CNGA2: variants seen among roughly 807,000 people sequenced by gnomAD.
CNGA2 encodes cyclic nucleotide-gated channel alpha-2.
In CNGA2, 22 loss-of-function variants were observed where a neutral mutation model predicts 35.9. The ratio of observed to expected loss-of-function variants is 0.61; its 90% CI spans 0.44 to 0.88. The LOEUF (loss-of-function observed/expected upper bound fraction) is 0.88, where lower values mean the gene tolerates loss of function less well. CNGA2 is among the 40% of genes least tolerant of loss of function. The pLI, the probability that CNGA2 is intolerant of heterozygous loss-of-function variation, is 0.00. For missense variants in CNGA2, 555 were observed against 530.8 expected (o/e 1.05, Z -0.45); for synonymous variants, 217 against 209.2 (o/e 1.04, Z -0.32).
intron 6 of CNGA2, 29 bp downstream of exon 6, chrX:151,742,671 T>C (rs762469933): frequency 8.9e-7 from 1 of 1,128,949 alleles, no homozygotes; most frequent in Non-Finnish European, 1.2e-6. Flanking sequence ...TGCAGGTAAA[T>C]CCGAAGGCCT....
rs753169347 is a variant in CNGA2 at position 151,743,315 on chromosome X, A to G, written c.812A>G (p.Asn271Ser). The G allele has an allele frequency of 2.5e-6, 3 of 1,208,488 alleles. No homozygotes were observed. The highest frequency in any genetic ancestry group is 3.4e-6 in the Non-Finnish European group (3 of 894,854). The stretch of plus-strand genomic sequence containing the variant: ...ACAGAGACACGCACCAACTACCCTA[A>G]CATCTTCCGCATCAGCAACCTTGTC... ...DRTETRTNYP[N>S]IFRISNLVLY... Residue 271 changes from asparagine (N) to serine (S), a missense_variant, in exon 7 of 7, where the codon AAC becomes AGC. Physicochemically the swap from Asn to Ser is conservative, Grantham distance 46. Coordinates refer to ENST00000329903, the MANE Select transcript of CNGA2 (RefSeq NM_005140.3).
chrX:151,735,674 C>T (rs1214724198), intron 1 of CNGA2, among the ~76,000 whole-genome samples: 1 of 111,583 alleles, frequency 9.0e-6, no homozygotes, highest in Non-Finnish European at 1.9e-5. Flanking sequence ...CTGAATTCCT[C>T]CTCAAAACCT....
rs1309560278 is a variant in CNGA2 at position 151,744,406 on chromosome X, G to C, written c.1903G>C (p.Val635Leu). The C allele has an allele frequency of 5.0e-6, 6 of 1,211,011 alleles. No homozygotes were observed. Among genetic ancestry groups the C allele is most frequent in the Non-Finnish European group, 6.7e-6 (6 of 895,262 alleles). ...AQQKLKQRIT[V>L]LETKMKQNNE... ...GCAGAAGCTCAAGCAGCGCATCACA[G>C]TTCTGGAAACCAAGATGAAACAGAA... The change falls in exon 7 of 7, where the codon GTT (valine) becomes CTT (leucine). Residue 635 changes from valine (V) to leucine (L), a missense_variant. By Grantham distance (32) the Val-to-Leu change is conservative. Coordinates refer to ENST00000329903, the MANE Select transcript of CNGA2 (RefSeq NM_005140.3).
chrX:151,744,297 G>T lies in CNGA2; in HGVS notation c.1794G>T (p.Gln598His). 1 of 1,211,127 alleles carries T rather than the reference G, an allele frequency of 8.3e-7. No homozygotes were observed. Among genetic ancestry groups the T allele is most frequent in the Non-Finnish European group, 1.1e-6 (1 of 895,383 alleles). ...EVATSMEVDV[Q>H]EKLGQLETNM... ...CAACCAGCATGGAGGTCGACGTGCA[G>T]GAGAAGCTAGGGCAGCTGGAGACCA... is the stretch of plus-strand genomic sequence containing the variant. The change falls in exon 7 of 7, where the codon CAG becomes CAT. Residue 598 changes from glutamine (Q) to histidine (H), a missense_variant. By Grantham distance (24) the Gln-to-His change is conservative. Coordinates refer to ENST00000329903, the MANE Select transcript of CNGA2 (RefSeq NM_005140.3).
At chrX:151,735,561 C>A (rs1315050196) in intron 1 of CNGA2, among the ~76,000 whole-genome samples, 1 of 111,466 alleles carries the variant, frequency 9.0e-6, no homozygotes, top group Non-Finnish European at 1.9e-5. Context: ...GGATTTGTCT[C>A]CTGTCACTTC....
At position 151,739,636 on chromosome X, in the gene CNGA2, C is replaced by T. The variant is rs2015283138; in HGVS notation, c.278C>T (p.Ser93Leu). 1 of 1,209,786 alleles carries T rather than the reference C, an allele frequency of 8.3e-7. No individual in the cohort carries two copies. The highest frequency in any genetic ancestry group is 1.8e-5 in the African/African-American group (1 of 57,102). ...CGAGAGGAGGAACCTAGGCCTGACT[C>T]ATTCCTCGAGCGTTTTCGTGGGCCT... The part of the protein sequence containing the change: ...NFREEEPRPD[S>L]FLERFRGPEL... Residue 93 changes from serine (S) to leucine (L), a missense_variant, in exon 4 of 7, where the codon TCA becomes TTA. Coordinates refer to ENST00000329903, the MANE Select transcript of CNGA2 (RefSeq NM_005140.3).
At chrX:151,740,974 A>C (rs1779698341) in intron 5 of CNGA2, 73 bp downstream of exon 5, 1 of 766,373 alleles carries the variant, frequency 1.3e-6, no homozygotes, top group Non-Finnish European at 2.0e-6. Context: ...ACGGCGCAGC[A>C]GTCCCTGGAT....
intron 1 of CNGA2, among the ~76,000 whole-genome samples, chrX:151,737,092 G>A (rs1008392201): frequency 9.0e-6 from 1 of 111,708 alleles, no homozygotes; most frequent in Non-Finnish European, 1.9e-5. Context: ...GCCTGCCATC[G>A]CCATGGTGAC....
In CNGA2 at chrX:151,744,123, C is replaced by G. The variant is rs1255207413; in HGVS notation, c.1620C>G (p.Ile540Met). 1 of 1,208,035 alleles carries G rather than the reference C, an allele frequency of 8.3e-7. No individual in the cohort carries two copies. Among genetic ancestry groups the G allele is most frequent in the Non-Finnish European group, 1.1e-6 (1 of 894,817 alleles). Residue 540 changes from isoleucine (I) to methionine (M), a missense_variant, in exon 7 of 7, where the codon ATC becomes ATG. Coordinates refer to ENST00000329903, the MANE Select transcript of CNGA2 (RefSeq NM_005140.3). ...SKMGNRRTAN[I>M]RSLGYSDLFC... is the part of the protein sequence containing the mutation. Reference sequence around the variant, plus strand: ...TGGGCAATCGACGCACAGCTAATATCCGCAGCCTGGGCTACTCAGATCTCT... The same window carrying G: ...TGGGCAATCGACGCACAGCTAATATGCGCAGCCTGGGCTACTCAGATCTCT...
intron 5 of CNGA2, among the ~76,000 whole-genome samples, chrX:151,742,307 A>T (rs1370564707): frequency 8.9e-6 from 1 of 111,742 alleles, no homozygotes; most frequent in African/African-American, 3.3e-5. Flanking sequence ...AGAGGGTGAG[A>T]CAGAAAATTA....
At chrX:151,742,503 T>C (rs1430064939) in intron 5 of CNGA2, 33 bp from the exon 6 acceptor site, 1 of 1,125,971 alleles carries the variant, frequency 8.9e-7, no homozygotes, top group Admixed American at 2.2e-5. Context: ...TTGGCTGGCT[T>C]TGGGGGTGAA....
rs962361110 is a variant in CNGA2 at position 151,744,887 on chromosome X, G to A, written c.*389G>A. On this transcript the variant is annotated 3_prime_UTR_variant, in exon 7 of 7. Transcript: ENST00000329903. ...TGCACACGCATGTACTTCGAGCACC[G>A]ACTATAGACATTTAGATCAGGTACC... 1.3e-4 allele frequency: 20 copies of A among 156,713 alleles called. No homozygotes were observed. Among genetic ancestry groups the A allele is most frequent in the Non-Finnish European group, 2.4e-5 (2 of 81,680 alleles). The allele number at this position is 156,713 out of a possible 1,213,427, so 12.9% of individuals were successfully genotyped here.
At chrX:151,736,902 C>T (rs779419150) in intron 1 of CNGA2, among the ~76,000 whole-genome samples, 3 of 111,759 alleles carry the variant, frequency 2.7e-5, no homozygotes, top group African/African-American at 6.5e-5. Flanking sequence ...AACTCTGGTG[C>T]GAATGGCTCC....
rs769127633 is a variant in CNGA2, at chrX:151,742,661, T to A, written c.589+19T>A. ...CGCACAGGTCAGTGAGCAACTGGGA[T>A]GCAGGTAAATCCGAAGGCCTGAGTC... On this transcript the variant is annotated intron_variant, in intron 6 of 6. Transcript: ENST00000329903. The A allele has an allele frequency of 8.6e-7, 1 of 1,160,628 alleles. No homozygotes were observed. The highest frequency in any genetic ancestry group is 1.2e-6 in the Non-Finnish European group (1 of 853,454).
Position 151,744,454 on chromosome X carries a change from G to C in CNGA2, c.1951G>C (p.Asp651His), listed in dbSNP as rs769871966. The change falls in exon 7 of 7, where the codon GAT becomes CAT. Residue 651 changes from aspartate (D) to histidine (H), a missense_variant. By Grantham distance (81) the Asp-to-His change is moderately conservative. Coordinates refer to ENST00000329903, the MANE Select transcript of CNGA2 (RefSeq NM_005140.3). ...GAACAATGAAGATGACTACCTGTCT[G>C]ATGGGATGAACAGCCCTGAGCTGGC... ...KQNNEDDYLS[D>H]GMNSPELAAA... 2.5e-6 allele frequency: 3 copies of C among 1,199,756 alleles called. No homozygotes were observed. In the Admixed American group the frequency reaches 6.6e-5, roughly 26 times the overall value.
intron 1 of CNGA2, among the ~76,000 whole-genome samples, chrX:151,737,075 T>C (rs1180703513): frequency 2.7e-5 from 3 of 111,839 alleles, no homozygotes; most frequent in Non-Finnish European, 5.6e-5. Flanking sequence ...CTGAGGCTGT[T>C]TGACGTGCCT....
chrX:151,738,920 A>G, intron 3 of CNGA2, 41 bp downstream of exon 3: 1 of 1,068,801 alleles, frequency 9.4e-7, no homozygotes, highest in Non-Finnish European at 1.3e-6. Flanking sequence ...CTTCCTGTGC[A>G]TGGAGCCTGT....
chrX:151,740,144 G>C (rs897837219), intron 4 of CNGA2, among the ~76,000 whole-genome samples: 5 of 112,282 alleles, frequency 4.5e-5, no homozygotes, highest in Non-Finnish European at 9.4e-5. Context: ...AGCGCTGAAT[G>C]ATGGAGCAGG....
chrX:151,741,948 G>T (rs1031487074), intron 5 of CNGA2, among the ~76,000 whole-genome samples: 1 of 111,983 alleles, frequency 8.9e-6, no homozygotes, highest in African/African-American at 3.2e-5. Flanking sequence ...CAATCATCCT[G>T]GGCTGTGTCC....
Sources: allele counts gnomAD v4.1 joint callset (sites outside exome capture counted in the v4.1 genomes callset), GRCh38; gene constraint gnomAD v4.1.1; transcripts MANE v1.5; gene names NCBI Gene and HGNC (gene_info 2026-07-23, HGNC 2026-07-21).